SMCHD1: variants seen among roughly 807,000 people sequenced by gnomAD.
The protein encoded by SMCHD1 is structural maintenance of chromosomes flexible hinge domain containing 1, also known as structural maintenance of chromosomes flexible hinge domain-containing protein 1.
SMCHD1 carries 78 observed loss-of-function variants against 254.7 expected under a neutral mutation model. The ratio of observed to expected loss-of-function variants is 0.31; its 90% confidence interval spans 0.26 to 0.37. The LOEUF (loss-of-function observed/expected upper bound fraction) is 0.37. Among genes scored for constraint, SMCHD1 ranks in the 10% least tolerant of loss-of-function variants. The pLI is 1.00. For synonymous variants in SMCHD1, 766 were observed against 794.9 expected, an observed-to-expected ratio of 0.96 and a Z score of 0.61; for missense variants, 1,840 against 2,408.1, an observed-to-expected ratio of 0.76 and a Z score of 4.94.
intron 17 of SMCHD1, among the ~76,000 whole-genome samples, chr18:2,710,362 G>A (rs1461127442): frequency 6.6e-6 from 1 of 152,076 alleles, no homozygotes; most frequent in Non-Finnish European, 1.5e-5. Flanking sequence ...AGATTGTTTT[G>A]GCTATTTGGG....
chr18:2,693,725 G>A (rs1287423947), intron 7 of SMCHD1, among the ~76,000 whole-genome samples: 3 of 152,038 alleles, frequency 2.0e-5, no homozygotes, highest in Non-Finnish European at 2.9e-5. Flanking sequence ...TCAGCCTCCC[G>A]GGCTCAAGCG....
intron 1 of SMCHD1, among the ~76,000 whole-genome samples, chr18:2,661,211 G>C (rs2073242311): frequency 6.6e-6 from 1 of 152,078 alleles, no homozygotes; most frequent in South Asian, 2.1e-4. Context: ...AGAGAATTAG[G>C]ACAAATACCT....
At chr18:2,739,567 T>C (rs1213230193) in intron 27 of SMCHD1, 47 bp downstream of exon 27, 1 of 1,462,972 alleles carries the variant, frequency 6.8e-7, no homozygotes, top group Admixed American at 1.8e-5. Context: ...AAATCTTCTG[T>C]GATGTTTCCT....
chr18:2,747,227 A>G (rs2075472596), intron 29 of SMCHD1, among the ~76,000 whole-genome samples: 1 of 152,228 alleles, frequency 6.6e-6, no homozygotes, highest in Non-Finnish European at 1.5e-5. Context: ...GCAATTTTAT[A>G]TAAAAGAGTA....
At chr18:2,750,541 T>A in intron 32 of SMCHD1, 34 bp downstream of exon 32, 5 of 1,530,882 alleles carry the variant, frequency 3.3e-6, no homozygotes, top group Non-Finnish European at 4.4e-6. Context: ...AAATCTATAA[T>A]GATAATTTGC....
chr18:2,667,422 T>G (rs2073470440), intron 3 of SMCHD1, among the ~76,000 whole-genome samples: 1 of 152,256 alleles, frequency 6.6e-6, no homozygotes, highest in Non-Finnish European at 1.5e-5. Context: ...TTTGTGTTCA[T>G]ATTTCCATGT....
At position 2,793,670 on chromosome 18, in the gene SMCHD1, AAG is replaced by A. The variant is rs559186223; in HGVS notation, c.5720-2277_5720-2276del. Among the ~76,000 whole-genome samples, 307 of 144,656 alleles carry A rather than the reference AAG, an allele frequency of 2.1e-3. 28 individuals are homozygous for A. The highest frequency in any genetic ancestry group is 4.9e-3 in the African/African-American group (194 of 39,678). The allele number at this position is 144,656 out of a possible 152,430, so 94.9% of individuals were successfully genotyped here. A position where few individuals can be genotyped will look rare whatever the true frequency, so the allele number is the denominator to read the frequency against. ...AGACTCCGTCTCAAAAAAAAAAAAA[AAG>A]AAAGAAAACATTGCTTTAATGTGGA... is the stretch of plus-strand genomic sequence containing the variant. On this transcript the variant is annotated intron_variant, in intron 45 of 47. Transcript: ENST00000320876.
At chr18:2,724,852 A>T in intron 20 of SMCHD1, 47 bp from the exon 21 acceptor site, 2 of 1,032,786 alleles carry the variant, frequency 1.9e-6, no homozygotes, top group Non-Finnish European at 2.8e-6. Flanking sequence ...TTTGCAGCTT[A>T]CTTGTAGGCA....
chr18:2,673,779 A>G (rs1285440708), intron 4 of SMCHD1, among the ~76,000 whole-genome samples: 2 of 152,222 alleles, frequency 1.3e-5, no homozygotes, highest in Non-Finnish European at 2.9e-5. Context: ...ATGTCTCTGA[A>G]TATTTCCTTA....
At chr18:2,748,960 G>T (rs756754318) in intron 30 of SMCHD1, among the ~76,000 whole-genome samples, 8 of 152,188 alleles carry the variant, frequency 5.3e-5, no homozygotes, top group Non-Finnish European at 8.8e-5. Context: ...CTTAAAAGTC[G>T]TATGGAAGAT....
chr18:2,663,399 A>G (rs1473636329), intron 1 of SMCHD1, among the ~76,000 whole-genome samples: 1 of 151,956 alleles, frequency 6.6e-6, no homozygotes, highest in African/African-American at 2.4e-5. Context: ...GCTGTGAACC[A>G]CTGTGCCTGG....
chr18:2,728,376 G>A (rs762091326), intron 22 of SMCHD1, 81 bp from the exon 23 acceptor site: 23 of 1,335,926 alleles, frequency 1.7e-5, no homozygotes, highest in Non-Finnish European at 2.4e-5. Flanking sequence ...AGTCTTTAAT[G>A]TTAAAGTTAT....
chr18:2,763,438 T>C (rs1003885385), intron 36 of SMCHD1, among the ~76,000 whole-genome samples, 199 bp from the exon 37 acceptor site: 1 of 152,206 alleles, frequency 6.6e-6, no homozygotes, highest in African/African-American at 2.4e-5. Context: ...TTGAAGTCTC[T>C]TGTTCTTTTA....
At chr18:2,676,138 G>C (rs2073743372) in intron 5 of SMCHD1, among the ~76,000 whole-genome samples, 1 of 152,146 alleles carries the variant, frequency 6.6e-6, no homozygotes, top group African/African-American at 2.4e-5. Context: ...ATAGAAGACA[G>C]GCTGTAGAAG....
chr18:2,766,218 C>T (rs920245012), intron 37 of SMCHD1, among the ~76,000 whole-genome samples: 2 of 152,196 alleles, frequency 1.3e-5, no homozygotes, highest in African/African-American at 2.4e-5. Context: ...TGGTCTCGAT[C>T]TCCTGACCTT....
At chr18:2,658,343 C>G (rs2073136527) in intron 1 of SMCHD1, among the ~76,000 whole-genome samples, 1 of 152,150 alleles carries the variant, frequency 6.6e-6, no homozygotes, top group Non-Finnish European at 1.5e-5. Flanking sequence ...TAAACACAGT[C>G]GTGGAAATGG....
chr18:2,682,808 G>A (rs754861626), intron 5 of SMCHD1, among the ~76,000 whole-genome samples: 17 of 152,164 alleles, frequency 1.1e-4, no homozygotes, highest in Non-Finnish European at 2.4e-4. Flanking sequence ...GACTGCTGTG[G>A]TGTAAAACTG....
chr18:2,661,752 C>A (rs1362688965), intron 1 of SMCHD1, among the ~76,000 whole-genome samples: 1 of 152,102 alleles, frequency 6.6e-6, no homozygotes, highest in African/African-American at 2.4e-5. Flanking sequence ...CATTCCTATC[C>A]GTAGATAATT....
chr18:2,690,643 T>C (rs897191422), intron 7 of SMCHD1, among the ~76,000 whole-genome samples: 9 of 150,324 alleles, frequency 6.0e-5, no homozygotes, highest in Non-Finnish European at 8.9e-5. Flanking sequence ...GGCTAATTTT[T>C]TTCTTTTTTT....
Sources: gnomAD v4.1 joint callset for allele counts (sites outside exome capture counted in the v4.1 genomes callset) on GRCh38, gnomAD v4.1.1 for gene constraint, MANE v1.5 for transcripts, NCBI Gene and HGNC (gene_info 2026-07-23, HGNC 2026-07-21) for gene names.